MCOLN2: variants seen among roughly 807,000 people sequenced by gnomAD.
The protein encoded by MCOLN2 is mucolipin TRP cation channel 2, also known as mucolipin-2.
MCOLN2 carries 57 observed loss-of-function variants against 67.5 expected under a neutral mutation model. The observed-to-expected ratio is 0.84, with a 90% CI of 0.68 to 1.05. MCOLN2 has a LOEUF of 1.05. Ranked by LOEUF, MCOLN2 falls within the 50% of genes least tolerant of loss-of-function variation. The pLI is 0.00. For missense variants in MCOLN2, 620 were observed against 678.8 expected, an observed-to-expected ratio of 0.91 and a Z score of 0.96; for synonymous variants, 246 against 233.3, an observed-to-expected ratio of 1.05 and a Z score of -0.50.
At chr1:84,945,733 TTTTAA>T (rs1461673163) in intron 7 of MCOLN2, among the ~76,000 whole-genome samples, 3 of 152,068 alleles carry the variant, frequency 2.0e-5, no homozygotes, top group African/African-American at 7.2e-5. Flanking sequence ...TTTTATTTTA[TTTTAA>T]TTTTTTTATT....
chr1:84,958,161 C>T (rs1055351817), intron 3 of MCOLN2, among the ~76,000 whole-genome samples: 13 of 152,094 alleles, frequency 8.5e-5, no homozygotes, highest in Admixed American at 7.9e-4. Flanking sequence ...CCCACTTTAG[C>T]CTCCCAGAGT....
chr1:84,979,975 A>G (rs898415970), intron 1 of MCOLN2, among the ~76,000 whole-genome samples: 3 of 152,258 alleles, frequency 2.0e-5, no homozygotes, highest in Admixed American at 2.0e-4. Context: ...AATTTTAGTA[A>G]AGTTGCAGGA....
intron 1 of MCOLN2, among the ~76,000 whole-genome samples, chr1:84,995,573 C>T (rs2389792): frequency 0.42 from 63,355 of 151,456 alleles, 13,909 homozygotes; most frequent in East Asian, 0.62. Flanking sequence ...TTGGCCACTA[C>T]TTTTACTTTG....
chr1:84,926,891 A>G (rs1661186144), intron 13 of MCOLN2, among the ~76,000 whole-genome samples, 170 bp from the exon 14 acceptor site: 1 of 152,202 alleles, frequency 6.6e-6, no homozygotes, highest in African/African-American at 2.4e-5. Context: ...ATTTACCAAC[A>G]TTCAGAAAAA....
intron 1 of MCOLN2, among the ~76,000 whole-genome samples, chr1:84,993,363 T>A (rs1201359295): frequency 6.6e-6 from 1 of 152,200 alleles, no homozygotes; most frequent in Non-Finnish European, 1.5e-5. Flanking sequence ...AAACCCACAA[T>A]TACTTTTTCA....
chr1:84,942,116 C>T (rs1327839918), intron 7 of MCOLN2, among the ~76,000 whole-genome samples: 1 of 152,190 alleles, frequency 6.6e-6, no homozygotes, highest in African/African-American at 2.4e-5. Context: ...TATTTATTTT[C>T]AGCCTCAAGT....
chr1:84,982,768 T>C (rs117627908), intron 1 of MCOLN2, among the ~76,000 whole-genome samples: 4 of 152,184 alleles, frequency 2.6e-5, no homozygotes, highest in Non-Finnish European at 5.9e-5. Flanking sequence ...AGTGGTGCGA[T>C]CTTGACTCAC....
At chr1:84,952,824 C>T (rs1391468810) in intron 4 of MCOLN2, among the ~76,000 whole-genome samples, 1 of 152,050 alleles carries the variant, frequency 6.6e-6, no homozygotes, top group Non-Finnish European at 1.5e-5. Flanking sequence ...GTGTGGTATT[C>T]CTGCCAAAAA....
In MCOLN2 at chr1:84,975,012, G is replaced by A. The variant is rs542548208; in HGVS notation, c.78-9304C>T. The stretch of plus-strand genomic sequence containing the variant: ...ATCTTGTAATTTGAGTGCCAGCTCA[G>A]GCACGATACAATAGAACACTAGGTA... On this transcript the variant is annotated intron_variant, in intron 1 of 13. Coordinates refer to ENST00000370608, the MANE Select transcript of MCOLN2 (RefSeq NM_153259.4). Among the ~76,000 whole-genome samples, 35 of 152,298 alleles carry A rather than the reference G, an allele frequency of 2.3e-4. No individual in the cohort carries two copies. The South Asian group carries it at 3.3e-3, about 14-fold the overall frequency.
chr1:84,993,243 T>C (rs536945783), intron 1 of MCOLN2, among the ~76,000 whole-genome samples: 9 of 152,240 alleles, frequency 5.9e-5, no homozygotes, highest in Non-Finnish European at 1.2e-4. Context: ...GCAGCAATTC[T>C]GTCACATCTT....
intron 1 of MCOLN2, among the ~76,000 whole-genome samples, chr1:84,995,806 T>TAAAAAAA (rs760666732): frequency 3.9e-4 from 58 of 150,464 alleles, no homozygotes; most frequent in African/African-American, 1.3e-3. Flanking sequence ...TCTATTTTTT[T>TAAAAAAA]AAAAAAAAAC....
chr1:84,927,312 G>C (rs914615325), intron 13 of MCOLN2, among the ~76,000 whole-genome samples: 4 of 151,804 alleles, frequency 2.6e-5, no homozygotes, highest in African/African-American at 4.8e-5. Flanking sequence ...CGCTAACAAG[G>C]CCTTATAAAT....
chr1:84,958,748 CA>C (rs1206846986), intron 2 of MCOLN2, 46 bp from the exon 3 acceptor site: 1 of 1,381,588 alleles, frequency 7.2e-7, no homozygotes, highest in African/African-American at 1.5e-5. Flanking sequence ...CACCATTTAT[CA>C]GGGGAGGCAA....
intron 11 of MCOLN2, among the ~76,000 whole-genome samples, chr1:84,933,866 C>A (rs182954966): frequency 3.8e-4 from 58 of 152,324 alleles, no homozygotes; most frequent in Non-Finnish European, 6.0e-4. Context: ...TTTACCTCCC[C>A]CTCCTCTTGT....
chr1:84,942,921 C>T (rs935221174), intron 7 of MCOLN2, among the ~76,000 whole-genome samples: 12 of 152,090 alleles, frequency 7.9e-5, no homozygotes, highest in South Asian at 2.1e-4. Context: ...AGAAGGTCCT[C>T]ACCAGAAGTG....
At chr1:84,952,640 C>T in intron 4 of MCOLN2, 110 bp from the exon 5 acceptor site, 1 of 703,708 alleles carries the variant, frequency 1.4e-6, no homozygotes, top group Non-Finnish European at 2.5e-6. Flanking sequence ...TTCAAAGTAT[C>T]TCCCTAGAAA....
intron 1 of MCOLN2, among the ~76,000 whole-genome samples, chr1:84,982,431 T>C (rs1294424274): frequency 1.3e-5 from 2 of 152,184 alleles, no homozygotes; most frequent in Non-Finnish European, 2.9e-5. Context: ...AGCCACCATG[T>C]CCAGCCTGGC....
At chr1:84,972,893 T>C (rs568420113) in intron 1 of MCOLN2, among the ~76,000 whole-genome samples, 75 of 152,296 alleles carry the variant, frequency 4.9e-4, no homozygotes, top group African/African-American at 1.6e-3. Context: ...GTTTCAGTGA[T>C]GGTATTTTGT....
intron 7 of MCOLN2, among the ~76,000 whole-genome samples, chr1:84,941,599 C>T (rs898958780): frequency 6.6e-6 from 1 of 152,204 alleles, no homozygotes; most frequent in South Asian, 2.1e-4. Flanking sequence ...TAGAATTCAA[C>T]AGAAAGTGAT....
Sources: gnomAD v4.1 joint callset for allele counts (sites outside exome capture counted in the v4.1 genomes callset) on GRCh38, gnomAD v4.1.1 for gene constraint, MANE v1.5 for transcripts, NCBI Gene and HGNC (gene_info 2026-07-23, HGNC 2026-07-21) for gene names.